NUDT3: variants seen among roughly 807,000 people sequenced by gnomAD.
The protein encoded by NUDT3 is diphosphoinositol polyphosphate phosphohydrolase 1.
Under a neutral mutation model 23.6 loss-of-function variants are expected in NUDT3, and 9 were observed. The ratio of observed to expected loss-of-function variants is 0.38; its 90% CI spans 0.23 to 0.66. The LOEUF is 0.66. Ranked by LOEUF, NUDT3 falls within the 30% of genes least tolerant of loss-of-function variation. The pLI, the probability that NUDT3 is intolerant of heterozygous loss-of-function variation, is 0.52. For missense variants in NUDT3, 172 were observed against 218.5 expected, an observed-to-expected ratio of 0.79 and a Z score of 1.34; for synonymous variants, 86 against 82.6, an observed-to-expected ratio of 1.04 and a Z score of -0.22.
intron 2 of NUDT3, among the ~76,000 whole-genome samples, chr6:34,329,037 T>C (rs1055375807): frequency 6.6e-6 from 1 of 152,118 alleles, no homozygotes; most frequent in Non-Finnish European, 1.5e-5. Context: ...ATTAATGAAC[T>C]AAAAAACTGG....
At position 34,360,871 on chromosome 6, in the gene NUDT3, T is replaced by TAAA. The variant is rs144251079; in HGVS notation, c.100-18902_100-18900dup. On this transcript the variant is annotated intron_variant, in intron 1 of 4. Transcript: ENST00000607016. ...ACACAGGACATTTAAAATTCAACAA[T>TAAA]AAAAAAACCCAATTAAAAAATGAGC... Among the ~76,000 whole-genome samples, 132 of 151,904 alleles carry TAAA rather than the reference T, an allele frequency of 8.7e-4. No homozygotes were observed. In the East Asian group the frequency reaches 0.011, roughly 12 times the overall value.
At chr6:34,297,070 T>A (rs1235394010) in intron 2 of NUDT3, among the ~76,000 whole-genome samples, 1 of 151,570 alleles carries the variant, frequency 6.6e-6, no homozygotes, top group Non-Finnish European at 1.5e-5. Flanking sequence ...TAGCTGGGAC[T>A]ACAGGTGCCC....
At chr6:34,327,640 A>C (rs747469538) in intron 2 of NUDT3, among the ~76,000 whole-genome samples, 1 of 152,198 alleles carries the variant, frequency 6.6e-6, no homozygotes, top group Non-Finnish European at 1.5e-5. Context: ...GAGGAACATG[A>C]AAGTGGACAA....
At chr6:34,320,772 G>A (rs1241295303) in intron 2 of NUDT3, among the ~76,000 whole-genome samples, 1 of 151,734 alleles carries the variant, frequency 6.6e-6, no homozygotes, top group Non-Finnish European at 1.5e-5. Flanking sequence ...GGAGGTCGAG[G>A]CTGCAGTGAG....
intron 4 of NUDT3, among the ~76,000 whole-genome samples, chr6:34,292,610 AAT>A (rs1763440848): frequency 6.6e-6 from 1 of 151,312 alleles, no homozygotes; most frequent in Admixed American, 6.6e-5. Flanking sequence ...AATATGAAAA[AAT>A]ATAAAAATAT....
chr6:34,346,535 A>T (rs1000618962), intron 1 of NUDT3, among the ~76,000 whole-genome samples: 1 of 152,246 alleles, frequency 6.6e-6, no homozygotes, highest in African/African-American at 2.4e-5. Context: ...TCTAAATTTC[A>T]ATCAATGTGA....
chr6:34,291,467 C>T (rs1020420703), intron 4 of NUDT3, among the ~76,000 whole-genome samples: 48 of 152,018 alleles, frequency 3.2e-4, no homozygotes, highest in African/African-American at 1.2e-3. Context: ...ATGTCAGTCT[C>T]ACCACATTCC....
chr6:34,337,052 C>A (rs1367862648), intron 2 of NUDT3, among the ~76,000 whole-genome samples: 1 of 152,170 alleles, frequency 6.6e-6, no homozygotes, highest in African/African-American at 2.4e-5. Flanking sequence ...ACTGGAAAAT[C>A]CACTTCTTTC....
chr6:34,379,688 G>A (rs1218125489), intron 1 of NUDT3, among the ~76,000 whole-genome samples: 2 of 152,008 alleles, frequency 1.3e-5, no homozygotes, highest in African/African-American at 4.8e-5. Flanking sequence ...TGGGATTACA[G>A]GCTTGAGACA....
rs1228511826 is a variant in NUDT3 at position 34,284,056 on chromosome 6, T to C, written c.*4697A>G. ...CACAGCTCCATATCCTGGAAGCCTC[T>C]GTAGCCTTGAGGAGATAGGCTCTAT... On this transcript the variant is annotated 3_prime_UTR_variant, in exon 5 of 5. Transcript: ENST00000607016. 6.6e-6 allele frequency: 1 copy of C among 152,206 alleles called. No homozygotes were observed. The highest frequency in any genetic ancestry group is 1.5e-5 in the Non-Finnish European group (1 of 68,060). 9.4% of individuals were successfully genotyped at this position (152,206 alleles called of 1,614,324 possible).
intron 2 of NUDT3, among the ~76,000 whole-genome samples, chr6:34,322,006 A>C (rs868562229): frequency 6.6e-5 from 10 of 152,196 alleles, no homozygotes; most frequent in African/African-American, 2.4e-4. Flanking sequence ...GTGTGCCCAG[A>C]AAGCCTTAAT....
At chr6:34,289,968 T>C (rs1227004937) in intron 4 of NUDT3, among the ~76,000 whole-genome samples, 2 of 152,142 alleles carry the variant, frequency 1.3e-5, no homozygotes, top group Non-Finnish European at 2.9e-5. Context: ...AGTGTTATGG[T>C]CAGGAACAAG....
At chr6:34,366,062 AAAT>A (rs1270608926) in intron 1 of NUDT3, among the ~76,000 whole-genome samples, 2 of 151,610 alleles carry the variant, frequency 1.3e-5, no homozygotes, top group East Asian at 3.9e-4. Flanking sequence ...ATAAATAAAT[AAAT>A]AATATTTTTT....
chr6:34,305,528 T>C (rs1763667267), intron 2 of NUDT3, among the ~76,000 whole-genome samples: 2 of 152,240 alleles, frequency 1.3e-5, no homozygotes, highest in Non-Finnish European at 2.9e-5. Flanking sequence ...GTTGGTCATT[T>C]CTATTTTTCT....
Position 34,364,511 on chromosome 6 carries a change from AAAC to A in NUDT3, c.100-22542_100-22540del, listed in dbSNP as rs552823860. 1.8e-3 allele frequency among the ~76,000 whole-genome samples: 272 copies of A among 152,216 alleles called. 2 individuals carry two copies. The highest frequency in any genetic ancestry group is 5.5e-3 in the African/African-American group (229 of 41,538). On this transcript the variant is annotated intron_variant, in intron 1 of 4. Coordinates refer to ENST00000607016, the MANE Select transcript of NUDT3 (RefSeq NM_006703.4). Reference sequence around the variant, plus strand: ...TGGCCTGCCATGGCCTAGGATATTAAAACAACAACAACAACAACAACGGAACAA... The same window carrying A: ...TGGCCTGCCATGGCCTAGGATATTAAAACAACAACAACAACAACGGAACAA...
intron 4 of NUDT3, among the ~76,000 whole-genome samples, chr6:34,289,762 T>C (rs1192288556): frequency 6.6e-6 from 1 of 152,222 alleles, no homozygotes; most frequent in Non-Finnish European, 1.5e-5. Context: ...TCTTTTCTAG[T>C]CCATGCTTTA....
At chr6:34,311,062 C>G (rs1763764494) in intron 2 of NUDT3, among the ~76,000 whole-genome samples, 1 of 149,300 alleles carries the variant, frequency 6.7e-6, no homozygotes, top group African/African-American at 2.5e-5. Context: ...AGAGTAAGTA[C>G]AAAAAACTAT....
chr6:34,361,684 T>C (rs952795653), intron 1 of NUDT3, among the ~76,000 whole-genome samples: 1 of 152,158 alleles, frequency 6.6e-6, no homozygotes, highest in Non-Finnish European at 1.5e-5. Flanking sequence ...TAAAGGAATA[T>C]TATTCAGTAC....
At chr6:34,299,315 C>T (rs1763561442) in intron 2 of NUDT3, among the ~76,000 whole-genome samples, 1 of 152,186 alleles carries the variant, frequency 6.6e-6, no homozygotes, top group African/African-American at 2.4e-5. Flanking sequence ...ATGTCAAAAG[C>T]CACTAATCTA....
Sources: allele counts gnomAD v4.1 joint callset (sites outside exome capture counted in the v4.1 genomes callset), GRCh38; gene constraint gnomAD v4.1.1; transcripts MANE v1.5; gene names NCBI Gene and HGNC (gene_info 2026-07-23, HGNC 2026-07-21).